GFRA1: variants seen among roughly 807,000 people sequenced by gnomAD.
GFRA1 encodes GDNF family receptor alpha 1.
Under a neutral mutation model 51.6 loss-of-function variants are expected in GFRA1, and 16 were observed. The observed-to-expected ratio is 0.31, with a 90% confidence interval of 0.21 to 0.47. The LOEUF is 0.47. GFRA1 is among the 20% of genes least tolerant of loss of function. GFRA1 has a pLI of 1.00. For missense variants in GFRA1, 530 were observed against 594.3 expected (o/e 0.89, Z 1.13); for synonymous variants, 270 against 241.3 (o/e 1.12, Z -1.10).
intron 6 of GFRA1, among the ~76,000 whole-genome samples, chr10:116,119,138 G>A (rs1373943793): frequency 5.3e-5 from 8 of 152,264 alleles, no homozygotes; most frequent in East Asian, 3.9e-4. Context: ...AGGAGGTGGC[G>A]CAGGCAGAAG....
intron 6 of GFRA1, among the ~76,000 whole-genome samples, chr10:116,103,062 T>A (rs2694785): frequency 1.3e-5 from 2 of 152,046 alleles, no homozygotes; most frequent in African/African-American, 4.8e-5. Context: ...CACAATCTTG[T>A]GTCTAATCCC....
chr10:116,214,600 G>T (rs1965433734), intron 4 of GFRA1, among the ~76,000 whole-genome samples: 2 of 152,178 alleles, frequency 1.3e-5, no homozygotes, highest in South Asian at 4.1e-4. Flanking sequence ...ACTATTATTA[G>T]CAAAGTACAA....
chr10:116,069,987 G>C (rs988583651), intron 9 of GFRA1, among the ~76,000 whole-genome samples: 1 of 152,104 alleles, frequency 6.6e-6, no homozygotes, highest in African/African-American at 2.4e-5. Context: ...TTAAGCTCCA[G>C]ATTTTAGGCA....
At chr10:116,263,129 G>C (rs1002184131) in intron 4 of GFRA1, among the ~76,000 whole-genome samples, 3 of 152,110 alleles carry the variant, frequency 2.0e-5, no homozygotes, top group African/African-American at 7.2e-5. Flanking sequence ...TTGGATAGAG[G>C]ATAGATTTTT....
chr10:116,231,104 A>G (rs4421669), intron 4 of GFRA1, among the ~76,000 whole-genome samples: 149,512 of 152,302 alleles, frequency 0.98, 73,441 homozygotes, highest in South Asian at 1. Context: ...ATGAGGGGTC[A>G]TGAACACTTC....
chr10:116,142,563 TA>T (rs1958616986), intron 5 of GFRA1, among the ~76,000 whole-genome samples: 1 of 152,224 alleles, frequency 6.6e-6, no homozygotes, highest in Non-Finnish European at 1.5e-5. Context: ...CCCCACACTG[TA>T]AGGTTCATTG....
At chr10:116,065,665 C>T (rs371781884) in intron 9 of GFRA1, 39 bp from the exon 10 acceptor site, 3 of 1,535,440 alleles carry the variant, frequency 2.0e-6, no homozygotes, top group Non-Finnish European at 2.7e-6. Context: ...AAACATAATA[C>T]AGAAGAGTAA....
At chr10:116,268,239 C>T (rs1309903302) in intron 4 of GFRA1, among the ~76,000 whole-genome samples, 1 of 152,184 alleles carries the variant, frequency 6.6e-6, no homozygotes, top group Non-Finnish European at 1.5e-5. Flanking sequence ...CCATTTAAGA[C>T]TTTTGTGATT....
chr10:116,249,031 T>C (rs1168339993), intron 4 of GFRA1, among the ~76,000 whole-genome samples: 1 of 152,200 alleles, frequency 6.6e-6, no homozygotes, highest in African/African-American at 2.4e-5. Flanking sequence ...CATCTCACAC[T>C]GACCACTCTG....
In GFRA1 at chr10:116,270,972, G is replaced by A. The variant is rs772300394; in HGVS notation, c.184C>T (p.Leu62=). The A allele has an allele frequency of 9.3e-6, 15 of 1,614,114 alleles. No individual in the cohort carries two copies. Among genetic ancestry groups the A allele is most frequent in the Non-Finnish European group, 1.3e-5 (15 of 1,180,058 alleles). The change falls in exon 3 of 11, where the codon CTG becomes TTG. Residue 62 remains leucine, a synonymous_variant. Transcript: ENST00000355422. ...CVAGKETNFS[L]ASGLEAKDEC... ...TCCTTGGCCTCCAGGCCGGATGCCA[G>A]GCTGAAGTTGGTCTCCTTGCCCGCC... is the stretch of plus-strand genomic sequence containing the variant.
chr10:116,250,103 G>A (rs1358865533), intron 4 of GFRA1, among the ~76,000 whole-genome samples: 2 of 152,314 alleles, frequency 1.3e-5, no homozygotes, highest in East Asian at 1.9e-4. Flanking sequence ...GTGTGTGCTA[G>A]GGAGGAGAAA....
intron 8 of GFRA1, among the ~76,000 whole-genome samples, chr10:116,090,451 A>AAAC (rs1453015125): frequency 6.6e-6 from 1 of 151,438 alleles, no homozygotes; most frequent in Non-Finnish European, 1.5e-5. Context: ...AAAAAAAAAA[A>AAAC]AAACTACCCC....
chr10:116,123,699 C>A (rs1957739014), intron 6 of GFRA1, among the ~76,000 whole-genome samples: 1 of 152,150 alleles, frequency 6.6e-6, no homozygotes, highest in East Asian at 1.9e-4. Context: ...GGGCTTCTAC[C>A]TGGGGACAAA....
chr10:116,060,936 T>C lies in GFRA1; in HGVS notation c.*3462A>G, dbSNP rs369778069. Reference sequence around the variant, plus strand: ...AATTCTGAGAAAAGAATTCGCTAATTATATAAACTCCCACTGCTCTTACAT... The same window carrying C: ...AATTCTGAGAAAAGAATTCGCTAATCATATAAACTCCCACTGCTCTTACAT... On this transcript the variant is annotated 3_prime_UTR_variant, in exon 11 of 11. Transcript: ENST00000355422. The C allele has an allele frequency of 6.6e-6, 1 of 152,150 alleles. No individual in the cohort carries two copies. The highest frequency in any genetic ancestry group is 2.4e-5 in the African/African-American group (1 of 41,440). The allele number at this position is 152,150 out of a possible 1,614,324, so 9.4% of individuals were successfully genotyped here. A position where few individuals can be genotyped will look rare whatever the true frequency, so the allele number is the denominator to read the frequency against.
chr10:116,268,355 A>G (rs1395081148), intron 4 of GFRA1, among the ~76,000 whole-genome samples: 1 of 152,244 alleles, frequency 6.6e-6, no homozygotes, highest in Non-Finnish European at 1.5e-5. Flanking sequence ...ATGATGTAAC[A>G]CTTTTAACAC....
At chr10:116,112,308 G>A (rs1242077063) in intron 6 of GFRA1, among the ~76,000 whole-genome samples, 5 of 152,128 alleles carry the variant, frequency 3.3e-5, no homozygotes, top group South Asian at 2.1e-4. Context: ...TAGGAATTCC[G>A]ACTGCTGGGT....
Position 116,062,416 on chromosome 10 carries a change from G to C in GFRA1, c.*1982C>G, listed in dbSNP as rs1432879243. ...GTTGGGTGTCTGCTGAATTTCCCTTGAAAACATTTTGAAGTGAAAAAAGTC... is the reference window on the plus strand; with the variant it reads ...GTTGGGTGTCTGCTGAATTTCCCTTCAAAACATTTTGAAGTGAAAAAAGTC... On this transcript the variant is annotated 3_prime_UTR_variant, in exon 11 of 11. Coordinates refer to ENST00000355422, the MANE Select transcript of GFRA1 (RefSeq NM_005264.8). 3.3e-6 allele frequency: 1 copy of C among 303,002 alleles called. No individual in the cohort carries two copies. The highest frequency in any genetic ancestry group is 5.0e-5 in the Admixed American group (1 of 19,960). 18.8% of individuals were successfully genotyped at this position (303,002 alleles called of 1,614,324 possible).
intron 4 of GFRA1, among the ~76,000 whole-genome samples, chr10:116,229,081 C>G (rs545365507): frequency 6.7e-6 from 1 of 149,946 alleles, no homozygotes; most frequent in Non-Finnish European, 1.5e-5. Context: ...AGAAGGAACA[C>G]AGTCCTGCCG....
chr10:116,145,984 G>A (rs1372249965), intron 5 of GFRA1, among the ~76,000 whole-genome samples: 1 of 151,818 alleles, frequency 6.6e-6, no homozygotes, highest in Admixed American at 6.6e-5. Flanking sequence ...TTTATATAAA[G>A]AATAAAAACC....
Sources: allele counts gnomAD v4.1 joint callset (sites outside exome capture counted in the v4.1 genomes callset), GRCh38; gene constraint gnomAD v4.1.1; transcripts MANE v1.5; gene names NCBI Gene and HGNC (gene_info 2026-07-23, HGNC 2026-07-21).